Variants in ERC1 observed in about 807,000 individuals in gnomAD.
ERC1 encodes RAB6 interacting protein 2.
ERC1 carries 56 observed loss-of-function variants against 132.0 expected under a neutral mutation model. The ratio of observed to expected loss-of-function variants is 0.42; its 90% CI spans 0.34 to 0.53. The LOEUF is 0.53. Ranked by LOEUF, ERC1 falls within the 20% of genes least tolerant of loss-of-function variation. The probability of loss-of-function intolerance (pLI) is 0.03; values close to 1 mark genes in which losing one functional copy is unlikely to be tolerated. For synonymous variants in ERC1, 478 were observed against 476.1 expected, an observed-to-expected ratio of 1.00 and a Z score of -0.05; for missense variants, 1,202 against 1,349.9, an observed-to-expected ratio of 0.89 and a Z score of 1.72.
chr12:991,037 T>C (rs1959183605), upstream of ERC1: 1 of 151,708 alleles, frequency 6.6e-6, no homozygotes, highest in Non-Finnish European at 1.5e-5. Flanking sequence ...TTCCCCCGCT[T>C]CCCAGTTCCT....
At position 1,146,308 on chromosome 12, in the gene ERC1, G is replaced by GTTTTTTTTTTTTTTTTTTTTTTTTTTTT. The variant is rs1172108036; in HGVS notation, c.1737+4546_1737+4547insTTTTTTTTTTTTTTTTTTTTTTTTTTTT. Among the ~76,000 whole-genome samples the GTTTTTTTTTTTTTTTTTTTTTTTTTTTT allele has an allele frequency of 9.4e-5, 3 of 31,808 alleles. 1 individual carries two copies. Among genetic ancestry groups the GTTTTTTTTTTTTTTTTTTTTTTTTTTTT allele is most frequent in the African/African-American group, 3.8e-4 (3 of 7,998 alleles). The allele number at this position is 31,808 out of a possible 152,430, so 20.9% of individuals were successfully genotyped here. On this transcript the variant is annotated intron_variant, in intron 8 of 18. Transcript: ENST00000360905. ...ATTTCCTTGTTTAGGTATTTTACTG[G>GTTTTTTTTTTTTTTTTTTTTTTTTTTTT]TTTTTTTTTTTTTTTTTTTTTTTTT...
At chr12:1,007,712 G>A (rs2154136649) in intron 1 of ERC1, among the ~76,000 whole-genome samples, 1 of 152,154 alleles carries the variant, frequency 6.6e-6, no homozygotes, top group African/African-American at 2.4e-5. Context: ...ATTAAGGTAT[G>A]TCTAAACTAA....
intron 15 of ERC1, among the ~76,000 whole-genome samples, chr12:1,325,560 A>G (rs1045977926): frequency 1.3e-5 from 2 of 152,192 alleles, no homozygotes. Flanking sequence ...ATTTAATATT[A>G]GAAGGACAGA....
intron 12 of ERC1, among the ~76,000 whole-genome samples, chr12:1,196,806 TTC>T (rs755412381): frequency 0.033 from 2,933 of 90,198 alleles, 89 homozygotes; most frequent in East Asian, 0.081. Flanking sequence ...CGCACGCTAT[TTC>T]TCTCTCTCTC....
intron 12 of ERC1, among the ~76,000 whole-genome samples, chr12:1,192,116 T>G (rs1014841141): frequency 2.6e-5 from 4 of 152,234 alleles, no homozygotes; most frequent in African/African-American, 9.6e-5. Flanking sequence ...AGGCTAGTTA[T>G]GTTCCTTTTG....
At chr12:1,309,337 G>T (rs2154349069) in intron 15 of ERC1, among the ~76,000 whole-genome samples, 1 of 152,342 alleles carries the variant, frequency 6.6e-6, no homozygotes, top group South Asian at 2.1e-4. Flanking sequence ...ATGCTCTGCA[G>T]TACCCCTGTG....
intron 13 of ERC1, among the ~76,000 whole-genome samples, chr12:1,243,978 G>C (rs1168861357): frequency 6.6e-6 from 1 of 152,144 alleles, no homozygotes; most frequent in Non-Finnish European, 1.5e-5. Flanking sequence ...AAACTCTGTA[G>C]TGGCAGTGCC....
intron 17 of ERC1, among the ~76,000 whole-genome samples, chr12:1,411,799 A>G (rs912875664): frequency 6.6e-6 from 1 of 152,172 alleles, no homozygotes; most frequent in Non-Finnish European, 1.5e-5. Context: ...ATATGTGGAC[A>G]TGATTATATT....
In ERC1 at chr12:1,440,442, G is replaced by A. The variant is rs577963089; in HGVS notation, c.3025-4120G>A. 5.3e-4 allele frequency among the ~76,000 whole-genome samples: 80 copies of A among 149,852 alleles called. 1 individual carries two copies. Among genetic ancestry groups the A allele is most frequent in the South Asian group, 1.9e-3 (9 of 4,736 alleles). On this transcript the variant is annotated intron_variant, in intron 17 of 18. Transcript: ENST00000360905. Reference sequence around the variant, plus strand: ...AGGATGGTCTCGATCTCCTGACCTCGTGATCTGCCCTCCTTGGCCTCCCAA... The same window carrying A: ...AGGATGGTCTCGATCTCCTGACCTCATGATCTGCCCTCCTTGGCCTCCCAA...
chr12:1,039,784 G>C (rs901399345), intron 2 of ERC1, among the ~76,000 whole-genome samples: 1 of 152,186 alleles, frequency 6.6e-6, no homozygotes, highest in African/African-American at 2.4e-5. Context: ...TTATAAAGGT[G>C]TGCTTGTTAA....
chr12:1,461,865 C>G (rs1473657033), intron 18 of ERC1, among the ~76,000 whole-genome samples: 1 of 152,026 alleles, frequency 6.6e-6, no homozygotes, highest in African/African-American at 2.4e-5. Context: ...GTAAATAGGA[C>G]TTTATCAAAC....
intron 16 of ERC1, among the ~76,000 whole-genome samples, chr12:1,400,916 A>ATTATTTTT (rs2090981093): frequency 4.7e-4 from 7 of 15,038 alleles, no homozygotes; most frequent in African/African-American, 2.2e-3. Context: ...CTATTTTTGT[A>ATTATTTTT]TTTTTTTTTT....
intron 12 of ERC1, among the ~76,000 whole-genome samples, chr12:1,226,278 G>T (rs537817874): frequency 6.6e-6 from 1 of 152,202 alleles, no homozygotes; most frequent in South Asian, 2.1e-4. Context: ...ATTTTTCCCA[G>T]CTTTATTGAG....
intron 8 of ERC1, among the ~76,000 whole-genome samples, chr12:1,147,223 C>T (rs1950459301): frequency 1.3e-5 from 2 of 152,128 alleles, no homozygotes. Flanking sequence ...GAAATGCTTT[C>T]AACTTTCCCC....
intron 8 of ERC1, among the ~76,000 whole-genome samples, chr12:1,156,857 T>C (rs140555306): frequency 2.0e-4 from 31 of 152,314 alleles, no homozygotes; most frequent in African/African-American, 6.7e-4. Context: ...CTTTTCCATA[T>C]TTTTCTGTTT....
chr12:1,487,100 A>C (rs2154433974), intron 18 of ERC1, among the ~76,000 whole-genome samples: 1 of 152,268 alleles, frequency 6.6e-6, no homozygotes, highest in East Asian at 1.9e-4. Context: ...CTGCAGCTGT[A>C]TTTACAAGGT....
At chr12:1,470,549 A>G (rs1255832740) in intron 18 of ERC1, among the ~76,000 whole-genome samples, 2 of 151,808 alleles carry the variant, frequency 1.3e-5, no homozygotes, top group Non-Finnish European at 2.9e-5. Flanking sequence ...TGTGTCTGCG[A>G]TTCCCAGAGC....
intron 13 of ERC1, among the ~76,000 whole-genome samples, chr12:1,259,725 A>G (rs970498456): frequency 6.6e-6 from 1 of 151,908 alleles, no homozygotes; most frequent in Non-Finnish European, 1.5e-5. Context: ...GGGTTTCACC[A>G]TGTTGGTCAG....
chr12:1,045,218 A>C (rs984216612), intron 2 of ERC1, among the ~76,000 whole-genome samples: 3 of 152,148 alleles, frequency 2.0e-5, no homozygotes, highest in Non-Finnish European at 4.4e-5. Context: ...ATGTCACTAA[A>C]AGGTATACTT....
Sources: allele counts gnomAD v4.1 joint callset (sites outside exome capture counted in the v4.1 genomes callset), GRCh38; gene constraint gnomAD v4.1.1; transcripts MANE v1.5; gene names NCBI Gene and HGNC (gene_info 2026-07-23, HGNC 2026-07-21).